Variants in PVT1 observed in about 807,000 individuals in gnomAD.
The protein encoded by PVT1 is Pvt1 oncogene, also known as CXCR4/PVT1 fusion.
chr8:128,014,009 A>T (rs893370036), intron 4 of PVT1, among the ~76,000 whole-genome samples: 5 of 152,148 alleles, frequency 3.3e-5, no homozygotes, highest in Admixed American at 3.3e-4. Flanking sequence ...ATAGGTTTGG[A>T]CCATTGTAGC....
intron 4 of PVT1, among the ~76,000 whole-genome samples, chr8:128,023,703 T>C (rs1164370635): frequency 2.0e-5 from 3 of 152,218 alleles, no homozygotes; most frequent in Non-Finnish European, 4.4e-5. Context: ...TGAAATTCTT[T>C]AAGAGTGGAA....
At chr8:127,991,140 CTTTTTTTTTTTTTT>C (rs35494368) in intron 4 of PVT1, among the ~76,000 whole-genome samples, 5 of 73,124 alleles carry the variant, frequency 6.8e-5, no homozygotes, top group African/African-American at 2.5e-4. Context: ...TCTTTTCTTT[CTTTTTTTTTTTTTT>C]TTTTTTGAGA....
intron 2 of PVT1, among the ~76,000 whole-genome samples, chr8:127,845,975 G>A (rs1331943994): frequency 5.3e-5 from 8 of 152,176 alleles, no homozygotes; most frequent in Admixed American, 4.6e-4. Context: ...TGTTCTTAGC[G>A]GGGTCCCAGG....
chr8:127,881,270 T>C (rs1225978281), intron 2 of PVT1, among the ~76,000 whole-genome samples: 1 of 152,072 alleles, frequency 6.6e-6, no homozygotes, highest in Non-Finnish European at 1.5e-5. Context: ...ACTTTGACTA[T>C]CTGCTTGTGT....
chr8:127,850,457 A>G (rs781270374), intron 2 of PVT1, among the ~76,000 whole-genome samples: 7 of 152,154 alleles, frequency 4.6e-5, no homozygotes, highest in Admixed American at 1.3e-4. Context: ...CAGGTATCCT[A>G]AAGAAGATAA....
At chr8:127,981,351 C>A (rs1176222313) in intron 3 of PVT1, among the ~76,000 whole-genome samples, 2 of 152,164 alleles carry the variant, frequency 1.3e-5, no homozygotes. Context: ...AAAGCATTTG[C>A]CAGTAGAGTT....
chr8:128,089,393 TG>T (rs1344240904), intron 5 of PVT1, among the ~76,000 whole-genome samples: 2 of 152,150 alleles, frequency 1.3e-5, no homozygotes, highest in Non-Finnish European at 2.9e-5. Flanking sequence ...ATCTCAGTCA[TG>T]TGGGGTCCAC....
intron 2 of PVT1, among the ~76,000 whole-genome samples, chr8:127,826,075 G>C (rs1016622497): frequency 2.2e-5 from 3 of 135,480 alleles, no homozygotes; most frequent in African/African-American, 8.5e-5. Flanking sequence ...GCCCAGGCCA[G>C]TTTCGAACTC....
At chr8:128,091,556 G>C (rs986593038) in intron 5 of PVT1, among the ~76,000 whole-genome samples, 3 of 152,102 alleles carry the variant, frequency 2.0e-5, no homozygotes, top group African/African-American at 7.2e-5. Flanking sequence ...CTTCATTCGT[G>C]ATAACTCTCT....
intron 2 of PVT1, among the ~76,000 whole-genome samples, chr8:127,804,095 A>T (rs1185605648): frequency 6.6e-6 from 1 of 152,056 alleles, no homozygotes; most frequent in Non-Finnish European, 1.5e-5. Flanking sequence ...ACGCACCTGT[A>T]TTCCCATCTA....
At chr8:127,983,164 C>G (rs1816904337) in intron 3 of PVT1, among the ~76,000 whole-genome samples, 1 of 152,170 alleles carries the variant, frequency 6.6e-6, no homozygotes, top group Admixed American at 6.5e-5. Context: ...CAAATCCCAG[C>G]TCACCTATGT....
At chr8:127,953,281 C>A (rs1017397932) in intron 3 of PVT1, among the ~76,000 whole-genome samples, 1 of 152,128 alleles carries the variant, frequency 6.6e-6, no homozygotes, top group Non-Finnish European at 1.5e-5. Context: ...CCTACTGCAA[C>A]CTCCCTGTGC....
In PVT1 at chr8:127,844,996, A is replaced by G. The variant is rs1815015706; in HGVS notation, n.373-45593A>G. On this transcript the variant is annotated intron_variant and non_coding_transcript_variant, in intron 2 of 10. Transcript: ENST00000651587. ...CCAAAGTGCTGGGATTACAGGCGTG[A>G]GCTACCACGCCCGGCCGGAGGTGTG... Among the ~76,000 whole-genome samples, 3 of 152,136 alleles carry G rather than the reference A, an allele frequency of 2.0e-5. No homozygotes were observed. In the South Asian group the frequency reaches 6.2e-4, roughly 32 times the overall value.
At chr8:127,984,909 CTTTCTT>C (rs750126939) in intron 3 of PVT1, among the ~76,000 whole-genome samples, 3,353 of 89,760 alleles carry the variant, frequency 0.037, 290 homozygotes, top group Admixed American at 0.069. Context: ...TTCTTTCTTT[CTTTCTT>C]TCTTTCTCTT....
intron 3 of PVT1, among the ~76,000 whole-genome samples, chr8:127,987,968 CTG>C (rs1160464391): frequency 2.0e-5 from 3 of 152,312 alleles, no homozygotes; most frequent in Admixed American, 2.0e-4. Flanking sequence ...GAACTGGACT[CTG>C]AGTGCAGGAT....
At chr8:128,045,421 T>C (rs974929495) in intron 4 of PVT1, among the ~76,000 whole-genome samples, 1 of 152,220 alleles carries the variant, frequency 6.6e-6, no homozygotes, top group Non-Finnish European at 1.5e-5. Context: ...CACAACATCT[T>C]ATCTAATGGG....
intron 3 of PVT1, among the ~76,000 whole-genome samples, chr8:127,908,893 C>G (rs1211180074): frequency 1.3e-5 from 2 of 152,220 alleles, no homozygotes; most frequent in African/African-American, 4.8e-5. Context: ...GCCTCTGTCT[C>G]CCTCTCCAGT....
At chr8:127,866,544 GCC>G (rs1221957698) in intron 2 of PVT1, among the ~76,000 whole-genome samples, 1 of 152,126 alleles carries the variant, frequency 6.6e-6, no homozygotes, top group East Asian at 1.9e-4. Flanking sequence ...TGGAGGAGTA[GCC>G]CCTATCTAAT....
rs189152803 is a variant in PVT1, at chr8:127,894,148, C to T, written n.782+3150C>T. Among the ~76,000 whole-genome samples, 14 of 152,244 alleles carry T rather than the reference C, an allele frequency of 9.2e-5. No individual in the cohort carries two copies. The South Asian group carries it at 2.5e-3, about 27-fold the overall frequency. ...AATTATTGACAGCACACTCTCTAGT[C>T]GTACGGGCTGCCCTGCCACCTACAC... On this transcript the variant is annotated intron_variant and non_coding_transcript_variant, in intron 3 of 10. Coordinates refer to ENST00000651587, the Ensembl canonical transcript of PVT1.
Sources: gnomAD v4.1 joint callset for allele counts (sites outside exome capture counted in the v4.1 genomes callset) on GRCh38, gnomAD v4.1.1 for gene constraint, MANE v1.5 for transcripts, NCBI Gene and HGNC (gene_info 2026-07-23, HGNC 2026-07-21) for gene names.